SDR9C7: variants seen among roughly 807,000 people sequenced by gnomAD.
SDR9C7 encodes short chain dehydrogenase/reductase family 9C member 7.
In SDR9C7, 11 loss-of-function variants were observed where a neutral mutation model predicts 23.6. The observed-to-expected ratio is 0.47, with a 90% CI of 0.29 to 0.77. SDR9C7 has a LOEUF of 0.77. Ranked by LOEUF, SDR9C7 falls within the 30% of genes least tolerant of loss-of-function variation. The pLI is 0.09. For synonymous variants in SDR9C7, 167 were observed against 157.3 expected, an observed-to-expected ratio of 1.06 and a Z score of -0.46; for missense variants, 387 against 407.1, an observed-to-expected ratio of 0.95 and a Z score of 0.42.
At chr12:56,925,913 G>C (rs978451581) in intron 3 of SDR9C7, among the ~76,000 whole-genome samples, 19 of 152,176 alleles carry the variant, frequency 1.2e-4, no homozygotes, top group Admixed American at 3.3e-4. Context: ...CAGTGGGGTG[G>C]GAGAAGTTAC....
At chr12:56,933,343 G>C (rs1199931942) in intron 1 of SDR9C7, among the ~76,000 whole-genome samples, 1 of 152,120 alleles carries the variant, frequency 6.6e-6, no homozygotes, top group Admixed American at 6.6e-5. Flanking sequence ...AAACATCAGA[G>C]AGGCACATCC....
intron 3 of SDR9C7, among the ~76,000 whole-genome samples, chr12:56,925,928 G>T (rs1440586726): frequency 6.6e-6 from 1 of 152,198 alleles, no homozygotes; most frequent in Non-Finnish European, 1.5e-5. Context: ...AGTTACCCCA[G>T]ACATGGGGAA....
At chr12:56,933,702 C>T (rs1188447260) in intron 1 of SDR9C7, among the ~76,000 whole-genome samples, 1 of 152,166 alleles carries the variant, frequency 6.6e-6, no homozygotes, top group Admixed American at 6.5e-5. Context: ...AACACATCTT[C>T]CCCCCTCGCT....
chr12:56,933,776 A>AC (rs1464813809), intron 1 of SDR9C7, among the ~76,000 whole-genome samples, 185 bp downstream of exon 1: 3 of 152,064 alleles, frequency 2.0e-5, no homozygotes, highest in African/African-American at 7.2e-5. Flanking sequence ...TTGGGAAATC[A>AC]CCCCTTCATG....
In SDR9C7 at chr12:56,934,357, A is replaced by G; in HGVS notation, c.-96T>C. On this transcript the variant is annotated 5_prime_UTR_variant, in exon 1 of 4. Transcript: ENST00000293502. ...AGCCCTAGCAGGCAGTCTGCAGGAAACCACCTGGAAGAAGAACTCTCCTTC... is the reference window on the plus strand; with the variant it reads ...AGCCCTAGCAGGCAGTCTGCAGGAAGCCACCTGGAAGAAGAACTCTCCTTC... 1 of 1,044,470 alleles carries G rather than the reference A, an allele frequency of 9.6e-7. No homozygotes were observed. Among genetic ancestry groups the G allele is most frequent in the Non-Finnish European group, 1.4e-6 (1 of 717,118 alleles). The allele number at this position is 1,044,470 out of a possible 1,614,324, so 64.7% of individuals were successfully genotyped here.
intron 1 of SDR9C7, among the ~76,000 whole-genome samples, chr12:56,932,325 A>C (rs1172154329): frequency 6.6e-6 from 1 of 152,104 alleles, no homozygotes; most frequent in East Asian, 1.9e-4. Flanking sequence ...ACTGGGCCCA[A>C]CCTTGCGGGC....
At chr12:56,927,207 G>A (rs1489465002) in intron 3 of SDR9C7, among the ~76,000 whole-genome samples, 5 of 152,092 alleles carry the variant, frequency 3.3e-5, no homozygotes, top group Admixed American at 6.5e-5. Flanking sequence ...CTAGCTTTTG[G>A]ACAAGGTTTT....
chr12:56,927,989 C>T (rs939761583), intron 3 of SDR9C7, among the ~76,000 whole-genome samples: 5 of 152,224 alleles, frequency 3.3e-5, no homozygotes, highest in African/African-American at 1.2e-4. Flanking sequence ...ACATTTTCTT[C>T]TCACAGAATC....
chr12:56,926,180 C>T (rs1300046717), intron 3 of SDR9C7, among the ~76,000 whole-genome samples: 1 of 152,178 alleles, frequency 6.6e-6, no homozygotes, highest in Admixed American at 6.5e-5. Flanking sequence ...CTAGGGGTTA[C>T]AAGCCAGGGG....
intron 3 of SDR9C7, 25 bp downstream of exon 3, chr12:56,929,365 C>G: frequency 6.3e-7 from 1 of 1,591,174 alleles, no homozygotes. Context: ...CCCTCAGAGA[C>G]CCCTCTCCTG....
chr12:56,923,954 C>A lies in SDR9C7; in HGVS notation c.821G>T (p.Arg274Leu). 1 of 1,614,054 alleles carries A rather than the reference C, an allele frequency of 6.2e-7. No individual in the cohort carries two copies. The highest frequency in any genetic ancestry group is 1.1e-5 in the South Asian group (1 of 91,084). ...MEHAIVSRSP[R>L]IRYNPGLDAK... ...ATCCAGGCCAGGGTTGTAGCGGATG[C>A]GAGGGCTCCGGGAAACAATAGCATG... Residue 274 changes from arginine (R) to leucine (L), a missense_variant, in exon 4 of 4, where the codon CGC becomes CTC. Transcript: ENST00000293502.
At chr12:56,933,406 T>C (rs1955779351) in intron 1 of SDR9C7, among the ~76,000 whole-genome samples, 1 of 152,174 alleles carries the variant, frequency 6.6e-6, no homozygotes, top group Non-Finnish European at 1.5e-5. Context: ...GTCACGAGGC[T>C]GGAGTGCAGT....
intron 3 of SDR9C7, among the ~76,000 whole-genome samples, chr12:56,926,329 C>G (rs1351313488): frequency 6.6e-6 from 1 of 152,166 alleles, no homozygotes; most frequent in Admixed American, 6.5e-5. Flanking sequence ...ATGTCTTTAT[C>G]GTTCCTTCAC....
chr12:56,924,138 C>G (rs1955717077), intron 3 of SDR9C7, 88 bp from the exon 4 acceptor site: 1 of 894,738 alleles, frequency 1.1e-6, no homozygotes, highest in Admixed American at 2.3e-5. Context: ...CCCTTTCCAT[C>G]AGATCCCTGA....
chr12:56,932,383 T>C (rs975261920), intron 1 of SDR9C7, among the ~76,000 whole-genome samples: 3 of 152,158 alleles, frequency 2.0e-5, no homozygotes, highest in Admixed American at 6.5e-5. Context: ...GCCAGCTGCC[T>C]CTGGAAGCTG....
chr12:56,923,791 C>T lies in SDR9C7; in HGVS notation c.*42G>A. ...TGTGACCCCACGGTCCTTCCTTCCT[C>T]CCCCACTTCTAGGCTCCACTGACCC... On this transcript the variant is annotated 3_prime_UTR_variant, in exon 4 of 4. Transcript: ENST00000293502. 1 of 1,443,752 alleles carries T rather than the reference C, an allele frequency of 6.9e-7. No homozygotes were observed. The highest frequency in any genetic ancestry group is 2.3e-5 in the East Asian group (1 of 42,838). The allele number at this position is 1,443,752 out of a possible 1,614,324, so 89.4% of individuals were successfully genotyped here.
At chr12:56,926,682 T>C (rs1955736245) in intron 3 of SDR9C7, among the ~76,000 whole-genome samples, 1 of 152,218 alleles carries the variant, frequency 6.6e-6, no homozygotes, top group South Asian at 2.1e-4. Context: ...TGGAGAGCTA[T>C]ACAACATGAT....
At chr12:56,930,825 C>T (rs189198039) in intron 1 of SDR9C7, among the ~76,000 whole-genome samples, 1 of 152,364 alleles carries the variant, frequency 6.6e-6, no homozygotes, top group East Asian at 1.9e-4. Context: ...ATACTTCTCC[C>T]TCTCTATTCA....
chr12:56,925,873 G>T (rs1300863368), intron 3 of SDR9C7, among the ~76,000 whole-genome samples: 1 of 152,182 alleles, frequency 6.6e-6, no homozygotes, highest in Non-Finnish European at 1.5e-5. Context: ...TGGGGACTGG[G>T]TTCTGAGAGG....
Sources: allele counts gnomAD v4.1 joint callset (sites outside exome capture counted in the v4.1 genomes callset), GRCh38; gene constraint gnomAD v4.1.1; transcripts MANE v1.5; gene names NCBI Gene and HGNC (gene_info 2026-07-23, HGNC 2026-07-21).